ATP6V0E1: variants seen among roughly 807,000 people sequenced by gnomAD.
The protein encoded by ATP6V0E1 is ATPase H+ transporting V0 subunit e1, also known as V-type proton ATPase subunit e 1.
In ATP6V0E1, 4 loss-of-function variants were observed where a neutral mutation model predicts 11.6. The observed-to-expected ratio is 0.35, with a 90% confidence interval of 0.17 to 0.79. The LOEUF is 0.79. Ranked by LOEUF, ATP6V0E1 falls within the 30% of genes least tolerant of loss-of-function variation. The probability of loss-of-function intolerance (pLI) is 0.54; values close to 1 mark genes in which losing one functional copy is unlikely to be tolerated. For synonymous variants in ATP6V0E1, 36 were observed against 34.8 expected (o/e 1.04, Z -0.13); for missense variants, 105 against 100.0 (o/e 1.05, Z -0.21).
At position 173,021,146 on chromosome 5, in the gene ATP6V0E1, C is replaced by T. The variant is rs1756477603; in HGVS notation, c.*36+779C>T. Among the ~76,000 whole-genome samples, 8 of 152,116 alleles carry T rather than the reference C, an allele frequency of 5.3e-5. No homozygotes were observed. The South Asian group carries it at 1.5e-3, about 28-fold the overall frequency. ...GAAAGCAAAAGGGGGGCAGCCGTGTCATATGGCCAGAGAGGGAGCAAGAGA... is the reference window on the plus strand; with the variant it reads ...GAAAGCAAAAGGGGGGCAGCCGTGTTATATGGCCAGAGAGGGAGCAAGAGA... On this transcript the variant is annotated intron_variant, in intron 3 of 3. Coordinates refer to ENST00000519374, the MANE Select transcript of ATP6V0E1 (RefSeq NM_003945.4).
intron 2 of ATP6V0E1, among the ~76,000 whole-genome samples, chr5:172,997,450 TTTC>T (rs1015693109): frequency 5.3e-5 from 8 of 152,196 alleles, no homozygotes; most frequent in African/African-American, 1.4e-4. Context: ...AGTCTTTTTT[TTTC>T]TTCTTCTTCT....
At chr5:173,022,131 G>A (rs576652331) in intron 3 of ATP6V0E1, among the ~76,000 whole-genome samples, 8 of 152,344 alleles carry the variant, frequency 5.3e-5, no homozygotes, top group Admixed American at 1.3e-4. Flanking sequence ...TTCACTGGCC[G>A]AGAGTCAGGA....
intron 3 of ATP6V0E1, among the ~76,000 whole-genome samples, chr5:173,031,341 C>T (rs1005106563): frequency 6.6e-6 from 1 of 151,922 alleles, no homozygotes; most frequent in African/African-American, 2.4e-5. Context: ...ACCATGGCCT[C>T]CCAAAGTACT....
intron 2 of ATP6V0E1, among the ~76,000 whole-genome samples, chr5:173,009,456 C>CTTTTTT (rs920585185): frequency 9.5e-5 from 10 of 105,208 alleles, no homozygotes; most frequent in South Asian, 3.6e-4. Context: ...AGCCACTTCC[C>CTTTTTT]TTTTTTTTTT....
At chr5:172,988,429 ATG>A (rs1233813453) in intron 1 of ATP6V0E1, among the ~76,000 whole-genome samples, 1 of 152,032 alleles carries the variant, frequency 6.6e-6, no homozygotes, top group Non-Finnish European at 1.5e-5. Flanking sequence ...TAACTTTTCC[ATG>A]TTCCCATTTC....
intron 2 of ATP6V0E1, among the ~76,000 whole-genome samples, chr5:173,004,842 T>G (rs575315952): frequency 1.3e-5 from 2 of 152,282 alleles, no homozygotes; most frequent in Non-Finnish European, 2.9e-5. Context: ...CTTGTTTTTG[T>G]TTTTCTGTTT....
intron 3 of ATP6V0E1, among the ~76,000 whole-genome samples, chr5:173,025,642 G>A (rs537278796): frequency 1.6e-4 from 24 of 146,720 alleles, no homozygotes; most frequent in African/African-American, 5.8e-4. Flanking sequence ...CTGTAGACAC[G>A]TGACACCACG....
chr5:173,009,162 G>A (rs1756276820), intron 2 of ATP6V0E1, among the ~76,000 whole-genome samples: 1 of 151,552 alleles, frequency 6.6e-6, no homozygotes, highest in Non-Finnish European at 1.5e-5. Context: ...GAAAGCAGAG[G>A]TTATGGTGAG....
intron 2 of ATP6V0E1, among the ~76,000 whole-genome samples, chr5:173,011,274 G>A (rs918241642): frequency 6.1e-5 from 9 of 147,534 alleles, no homozygotes; most frequent in African/African-American, 2.0e-4. Flanking sequence ...CTTGACCTCC[G>A]GCCAGTGATC....
chr5:173,011,142 G>A (rs1246286947), intron 2 of ATP6V0E1, among the ~76,000 whole-genome samples: 1 of 151,084 alleles, frequency 6.6e-6, no homozygotes, highest in Non-Finnish European at 1.5e-5. Context: ...AAATGATTGT[G>A]GAATAAATGA....
intron 3 of ATP6V0E1, 182 bp downstream of exon 3, chr5:173,020,549 A>T: frequency 1.8e-6 from 1 of 568,900 alleles, no homozygotes; most frequent in South Asian, 2.0e-5. Flanking sequence ...TCTCATTAAG[A>T]TTCTTTTTAG....
chr5:173,008,302 C>A (rs1040961366), intron 2 of ATP6V0E1, among the ~76,000 whole-genome samples: 1 of 132,518 alleles, frequency 7.5e-6, no homozygotes, highest in Admixed American at 7.5e-5. Context: ...CTTTTCTTTT[C>A]TTTTTTTTTT....
chr5:172,989,319 A>G (rs1272456252), intron 1 of ATP6V0E1, among the ~76,000 whole-genome samples: 1 of 152,104 alleles, frequency 6.6e-6, no homozygotes, highest in Non-Finnish European at 1.5e-5. Context: ...AGCCTAGGCA[A>G]CAGAGTGAGA....
At chr5:173,006,332 C>T (rs902959687) in intron 2 of ATP6V0E1, among the ~76,000 whole-genome samples, 39 of 152,180 alleles carry the variant, frequency 2.6e-4, no homozygotes, top group African/African-American at 8.7e-4. Context: ...TACTCTGGGC[C>T]GGGCACGATG....
intron 3 of ATP6V0E1, among the ~76,000 whole-genome samples, chr5:173,024,197 C>CA (rs56837002): frequency 0.31 from 22,489 of 72,956 alleles, 2,958 homozygotes; most frequent in African/African-American, 0.38. Context: ...GACTCCGTCT[C>CA]AAAAAAAAAA....
chr5:173,019,399 C>T (rs1394934583), intron 2 of ATP6V0E1, among the ~76,000 whole-genome samples: 1 of 151,962 alleles, frequency 6.6e-6, no homozygotes, highest in Non-Finnish European at 1.5e-5. Context: ...ACTAAAAATA[C>T]AAAAAATGAG....
intron 3 of ATP6V0E1, among the ~76,000 whole-genome samples, chr5:173,033,084 G>A (rs1756689982): frequency 6.6e-6 from 1 of 152,160 alleles, no homozygotes; most frequent in Non-Finnish European, 1.5e-5. Flanking sequence ...GTGAGAGAGC[G>A]AGACTGTCTG....
chr5:173,020,329 T>G lies in ATP6V0E1; in HGVS notation c.244T>G (p.Ter82GlyextTer45). Residue 82 changes from the stop codon to glycine (G), a stop_lost, in exon 3 of 4, where the codon TGA becomes GGA. Transcript: ENST00000519374. ...CTGGTATCTGAAGTATCATTGGCCT[T>G]GAGGAAGAAGACATGCTCTACAGTG... is the stretch of plus-strand genomic sequence containing the variant. ...TIWYLKYHWP[*>G] is the part of the protein sequence containing the mutation. The G allele has an allele frequency of 6.2e-7, 1 of 1,608,958 alleles. No individual in the cohort carries two copies. The highest frequency in any genetic ancestry group is 8.5e-7 in the Non-Finnish European group (1 of 1,175,308).
chr5:173,000,230 G>T (rs1756132860), intron 2 of ATP6V0E1, among the ~76,000 whole-genome samples: 1 of 152,112 alleles, frequency 6.6e-6, no homozygotes, highest in Non-Finnish European at 1.5e-5. Context: ...TATAAATTAG[G>T]TTCTCTGCCA....
Sources: allele counts gnomAD v4.1 joint callset (sites outside exome capture counted in the v4.1 genomes callset), GRCh38; gene constraint gnomAD v4.1.1; transcripts MANE v1.5; gene names NCBI Gene and HGNC (gene_info 2026-07-23, HGNC 2026-07-21).